ASB15: variants seen among roughly 807,000 people sequenced by gnomAD.
ASB15 encodes ankyrin repeat and SOCS box containing 15, also known as ankyrin repeat and SOCS box protein 15.
In ASB15, 54 loss-of-function variants were observed where a neutral mutation model predicts 58.0. The observed-to-expected ratio is 0.93, with a 90% CI of 0.75 to 1.17. The LOEUF (loss-of-function observed/expected upper bound fraction) is 1.17, where lower values mean the gene tolerates loss of function less well. Among genes scored for constraint, ASB15 ranks in the 50% most tolerant of loss-of-function variants. The pLI, the probability that ASB15 is intolerant of heterozygous loss-of-function variation, is 0.00. For synonymous variants in ASB15, 249 were observed against 262.4 expected (o/e 0.95, Z 0.50); for missense variants, 680 against 707.4 (o/e 0.96, Z 0.44).
chr7:123,619,228 T>C (rs1016987551), intron 7 of ASB15, among the ~76,000 whole-genome samples: 1 of 148,874 alleles, frequency 6.7e-6, no homozygotes, highest in Admixed American at 6.7e-5. Flanking sequence ...CCAGACGCTG[T>C]CCTGGGTAGT....
rs781173365 is a variant in ASB15, at chr7:123,636,818, G to A, written c.1604G>A (p.Cys535Tyr). The A allele has an allele frequency of 2.1e-5, 33 of 1,601,654 alleles. No individual in the cohort carries two copies. The South Asian group carries it at 3.5e-4, about 17-fold the overall frequency. Residue 535 changes from cysteine to tyrosine, a missense_variant, in exon 12 of 12, where the codon TGT (cysteine) becomes TAT (tyrosine). Transcript: ENST00000451215. ...TCCCGATTTCTTTTAGAGAATCCTT[G>A]TTCATTGAAGCATTTGTGTCGGTTA... ...PEIRQILENPCSLKHLCRLKI... is the reference protein window; with the variant it reads ...PEIRQILENPYSLKHLCRLKI...
intron 11 of ASB15, among the ~76,000 whole-genome samples, chr7:123,636,247 A>T (rs993922055): frequency 1.8e-4 from 28 of 152,186 alleles, no homozygotes; most frequent in African/African-American, 6.3e-4. Flanking sequence ...TCAATCTTGC[A>T]ATTATAATAT....
intron 1 of ASB15, among the ~76,000 whole-genome samples, chr7:123,593,426 T>C (rs941138635): frequency 6.6e-6 from 1 of 152,204 alleles, no homozygotes; most frequent in African/African-American, 2.4e-5. Flanking sequence ...TTCCTTTCCA[T>C]GTTTAGTGCT....
intron 1 of ASB15, among the ~76,000 whole-genome samples, chr7:123,569,209 C>G (rs372535879): frequency 6.6e-6 from 1 of 152,008 alleles, no homozygotes; most frequent in Non-Finnish European, 1.5e-5. Flanking sequence ...GCTAAAGAGA[C>G]AGACGTAAAT....
In ASB15 at chr7:123,619,424, T is replaced by C. The variant is rs190841875; in HGVS notation, c.451+1687T>C. Among the ~76,000 whole-genome samples, 415 of 152,262 alleles carry C rather than the reference T, an allele frequency of 2.7e-3. 2 individuals are homozygous for C. The highest frequency in any genetic ancestry group is 9.1e-3 in the African/African-American group (377 of 41,566). ...AAGAGCCTTGCTCTTGGAGATTGCC[T>C]TGAGGGTTGTATAGGGGAACGGCAG... On this transcript the variant is annotated intron_variant, in intron 7 of 11. Transcript: ENST00000451215.
intron 1 of ASB15, among the ~76,000 whole-genome samples, chr7:123,576,246 C>T (rs190360584): frequency 4.9e-4 from 74 of 151,192 alleles, no homozygotes; most frequent in Non-Finnish European, 8.6e-4. Context: ...GAGTTTGCAG[C>T]TTTAATTTGA....
chr7:123,619,765 A>C (rs376299411), intron 7 of ASB15, among the ~76,000 whole-genome samples: 6 of 152,158 alleles, frequency 3.9e-5, no homozygotes, highest in East Asian at 1.9e-4. Flanking sequence ...CCTCGTGATC[A>C]GCCCACCTCA....
At position 123,637,878 on chromosome 7, in the gene ASB15, T is replaced by TAAAAAAACAAAAAAAAAAAAAAAAAAAA. The variant is rs1802499330; in HGVS notation, c.*904_*905insCAAAAAAAAAAAAAAAAAAAAAAAAAAA. ...AAATTCAACATGTCCCCAGATGAACTAAAAAAAAAAAAAAAAAAAAAACCT... is the reference window on the plus strand; with the variant it reads ...AAATTCAACATGTCCCCAGATGAACTAAAAAAACAAAAAAAAAAAAAAAAAAAAAAAAAAAAAAAAAAAAAAAAAACCT... On this transcript the variant is annotated 3_prime_UTR_variant, in exon 12 of 12. Coordinates refer to ENST00000451215, the MANE Select transcript of ASB15 (RefSeq NM_001290258.2). The TAAAAAAACAAAAAAAAAAAAAAAAAAAA allele has an allele frequency of 1.9e-5, 1 of 52,468 alleles. No individual in the cohort carries two copies. Among genetic ancestry groups the TAAAAAAACAAAAAAAAAAAAAAAAAAAA allele is most frequent in the Non-Finnish European group, 3.7e-5 (1 of 26,694 alleles). 3.3% of individuals were successfully genotyped at this position (52,468 alleles called of 1,614,324 possible).
At chr7:123,577,260 T>C (rs1799092523) in intron 1 of ASB15, among the ~76,000 whole-genome samples, 1 of 152,158 alleles carries the variant, frequency 6.6e-6, no homozygotes, top group Non-Finnish European at 1.5e-5. Flanking sequence ...TGCATTTTAT[T>C]ACAAAAATAA....
intron 1 of ASB15, among the ~76,000 whole-genome samples, chr7:123,573,288 C>CTTTTTT (rs35889563): frequency 8.5e-6 from 1 of 117,912 alleles, no homozygotes; most frequent in Non-Finnish European, 1.8e-5. Context: ...TCTGGATTTG[C>CTTTTTT]TTTTTTTTTT....
Position 123,629,230 on chromosome 7 carries a change from T to C in ASB15, c.1236T>C (p.His412=). Residue 412 remains histidine (H), a synonymous_variant, in exon 10 of 12, where the codon CAT becomes CAC. Transcript: ENST00000451215. ...HGANVNCYFM[H]VNDTRFPSVI... is the part of the protein sequence containing the mutation. ...CTAATGTCAATTGTTATTTTATGCA[T>C]GTGAATGACACTCGTTTCCCCAGTG... 1 of 1,613,988 alleles carries C rather than the reference T, an allele frequency of 6.2e-7. No homozygotes were observed. Among genetic ancestry groups the C allele is most frequent in the Admixed American group, 1.7e-5 (1 of 60,028 alleles).
chr7:123,630,299 T>C (rs1802054135), intron 11 of ASB15, among the ~76,000 whole-genome samples, 180 bp downstream of exon 11: 1 of 152,232 alleles, frequency 6.6e-6, no homozygotes, highest in African/African-American at 2.4e-5. Context: ...TTTTTCTTTA[T>C]ATTTTCCAGC....
At chr7:123,632,190 C>A (rs902339212) in intron 11 of ASB15, among the ~76,000 whole-genome samples, 1 of 151,848 alleles carries the variant, frequency 6.6e-6, no homozygotes, top group African/African-American at 2.4e-5. Flanking sequence ...AGCTAAAAAG[C>A]ATGAGGAAAA....
intron 7 of ASB15, among the ~76,000 whole-genome samples, chr7:123,623,971 GAAA>G (rs1801578551): frequency 1.5e-5 from 2 of 134,640 alleles, no homozygotes; most frequent in African/African-American, 5.3e-5. Context: ...AAGAAAGAAA[GAAA>G]GAAAGAAAGA....
intron 1 of ASB15, among the ~76,000 whole-genome samples, chr7:123,592,684 T>C (rs1260989344): frequency 6.6e-6 from 1 of 152,196 alleles, no homozygotes; most frequent in Non-Finnish European, 1.5e-5. Context: ...TTACATTTGC[T>C]GAGGAGTGTT....
intron 1 of ASB15, chr7:123,585,108 A>G (rs1160247487): frequency 6.6e-6 from 1 of 151,730 alleles, no homozygotes; most frequent in Non-Finnish European, 1.5e-5. Context: ...GAAAAGACCA[A>G]TATACGTATG....
At chr7:123,626,957 C>T (rs1397006044) in intron 8 of ASB15, among the ~76,000 whole-genome samples, 153 bp from the exon 9 acceptor site, 1 of 152,078 alleles carries the variant, frequency 6.6e-6, no homozygotes, top group South Asian at 2.1e-4. Context: ...AGGCTGATCT[C>T]GAACTCCTGA....
At chr7:123,602,449 GTCCTT>G (rs1168072458) in intron 1 of ASB15, among the ~76,000 whole-genome samples, 8 of 152,146 alleles carry the variant, frequency 5.3e-5, no homozygotes, top group African/African-American at 1.9e-4. Context: ...AGGTTGGAAA[GTCCTT>G]AAAATTTATC....
chr7:123,571,139 T>A (rs538766345), intron 1 of ASB15, among the ~76,000 whole-genome samples: 3 of 152,322 alleles, frequency 2.0e-5, no homozygotes, highest in African/African-American at 7.2e-5. Flanking sequence ...AAATTTACCA[T>A]AAAAACAAAT....
Sources: gnomAD v4.1 joint callset for allele counts (sites outside exome capture counted in the v4.1 genomes callset) on GRCh38, gnomAD v4.1.1 for gene constraint, MANE v1.5 for transcripts, NCBI Gene and HGNC (gene_info 2026-07-23, HGNC 2026-07-21) for gene names.